The following POU6F2 variants were observed in gnomAD, a reference collection of about 807,000 sequenced individuals.
POU6F2 encodes POU domain, class 6, transcription factor 2.
POU6F2 carries 31 observed loss-of-function variants against 71.3 expected under a neutral mutation model. That is an observed-to-expected ratio of 0.43 (90% CI 0.33 to 0.59). The LOEUF (loss-of-function observed/expected upper bound fraction) is 0.59. POU6F2 is among the 20% of genes least tolerant of loss of function. The pLI, the probability that POU6F2 is intolerant of heterozygous loss-of-function variation, is 0.04. For synonymous variants in POU6F2, 347 were observed against 355.7 expected (o/e 0.98, Z 0.27); for missense variants, 783 against 856.8 (o/e 0.91, Z 1.07).
intron 4 of POU6F2, among the ~76,000 whole-genome samples, chr7:39,306,997 G>T (rs1450189396): frequency 6.6e-6 from 1 of 152,164 alleles, no homozygotes; most frequent in Non-Finnish European, 1.5e-5. Context: ...CATTAGAAGG[G>T]GTGCAGGGGA....
chr7:38,981,296 G>A (rs752530835), intron 1 of POU6F2, among the ~76,000 whole-genome samples: 1 of 152,026 alleles, frequency 6.6e-6, no homozygotes, highest in Admixed American at 6.6e-5. Context: ...ACCTGAGCTT[G>A]TGAGTGACAG....
intron 2 of POU6F2, among the ~76,000 whole-genome samples, chr7:39,116,414 AT>A (rs1348110089): frequency 6.6e-6 from 1 of 152,202 alleles, no homozygotes; most frequent in Non-Finnish European, 1.5e-5. Flanking sequence ...GCAAGTTATC[AT>A]TATCACTCAT....
chr7:39,206,240 G>T (rs1794009822), intron 3 of POU6F2, among the ~76,000 whole-genome samples: 1 of 152,116 alleles, frequency 6.6e-6, no homozygotes, highest in Non-Finnish European at 1.5e-5. Context: ...CTGAATCAAG[G>T]ACTCTAAGAT....
At chr7:39,418,390 G>T (rs544615069) in intron 6 of POU6F2, among the ~76,000 whole-genome samples, 1 of 152,172 alleles carries the variant, frequency 6.6e-6, no homozygotes, top group South Asian at 2.1e-4. Flanking sequence ...GGAACTGAAG[G>T]CTCAGAAAAG....
intron 1 of POU6F2, among the ~76,000 whole-genome samples, chr7:39,066,813 G>A (rs918287479): frequency 2.7e-5 from 4 of 149,110 alleles, no homozygotes; most frequent in African/African-American, 9.8e-5. Context: ...TGACAAAGAA[G>A]AATAGCATAT....
chr7:39,337,791 A>G (rs945000194), intron 4 of POU6F2, among the ~76,000 whole-genome samples: 2 of 152,118 alleles, frequency 1.3e-5, no homozygotes, highest in Non-Finnish European at 2.9e-5. Context: ...TGCAGATGTC[A>G]AATTAGTCTA....
intron 4 of POU6F2, among the ~76,000 whole-genome samples, chr7:39,321,464 C>T (rs1785389075): frequency 6.6e-6 from 1 of 152,090 alleles, no homozygotes; most frequent in African/African-American, 2.4e-5. Flanking sequence ...AGGTTACACC[C>T]AGAAGAATAT....
intron 4 of POU6F2, among the ~76,000 whole-genome samples, chr7:39,211,540 T>C (rs1794142990): frequency 6.6e-6 from 1 of 152,186 alleles, no homozygotes; most frequent in South Asian, 2.1e-4. Context: ...AGAAAACCTG[T>C]ATGTGTGGCC....
chr7:39,179,870 C>T (rs949283907), intron 2 of POU6F2, among the ~76,000 whole-genome samples: 9 of 152,178 alleles, frequency 5.9e-5, no homozygotes, highest in Non-Finnish European at 8.8e-5. Context: ...CACTTAAGCA[C>T]GTTGTATTTC....
At chr7:39,447,387 C>T (rs1047534985) in intron 7 of POU6F2, among the ~76,000 whole-genome samples, 5 of 152,092 alleles carry the variant, frequency 3.3e-5, no homozygotes, top group Admixed American at 1.3e-4. Context: ...TGCTCATCTC[C>T]GATGATCGTG....
chr7:39,454,411 T>A (rs1158108165), intron 8 of POU6F2, among the ~76,000 whole-genome samples: 1 of 151,720 alleles, frequency 6.6e-6, no homozygotes, highest in Non-Finnish European at 1.5e-5. Context: ...CTTCTAATCA[T>A]AGCTTTGTCT....
In POU6F2 at chr7:39,380,896, A is replaced by G. The variant is rs113584901; in HGVS notation, c.973-25704A>G. ...CTCGTGCTCACCCACTAGTTTCTCCAGTGGGCCCAGGTAGAAGCACTGTGT... is the reference window on the plus strand; with the variant it reads ...CTCGTGCTCACCCACTAGTTTCTCCGGTGGGCCCAGGTAGAAGCACTGTGT... On this transcript the variant is annotated intron_variant, in intron 5 of 9. Coordinates refer to ENST00000518318, the MANE Select transcript of POU6F2 (RefSeq NM_001370959.1). Among the ~76,000 whole-genome samples, 399 of 152,094 alleles carry G rather than the reference A, an allele frequency of 2.6e-3. 4 individuals carry two copies. The highest frequency in any genetic ancestry group is 9.2e-3 in the African/African-American group (383 of 41,512).
At chr7:39,127,730 G>C (rs1010014920) in intron 2 of POU6F2, among the ~76,000 whole-genome samples, 1 of 152,008 alleles carries the variant, frequency 6.6e-6, no homozygotes, top group Non-Finnish European at 1.5e-5. Flanking sequence ...AGTTTGTTTC[G>C]GGAAGCAGCT....
At chr7:39,443,112 C>T (rs1172560105) in intron 7 of POU6F2, among the ~76,000 whole-genome samples, 1 of 152,168 alleles carries the variant, frequency 6.6e-6, no homozygotes, top group Admixed American at 6.5e-5. Flanking sequence ...CTGTCAGCCC[C>T]GGAATGAAAT....
chr7:39,326,438 C>T (rs1394805446), intron 4 of POU6F2, among the ~76,000 whole-genome samples: 11 of 152,222 alleles, frequency 7.2e-5, no homozygotes, highest in African/African-American at 2.4e-4. Context: ...AATTTGGTCC[C>T]ATCTGCTGAG....
chr7:38,993,867 T>C (rs114801474), intron 1 of POU6F2, among the ~76,000 whole-genome samples: 170 of 152,092 alleles, frequency 1.1e-3, no homozygotes, highest in African/African-American at 3.8e-3. Flanking sequence ...GGGGCTTGAG[T>C]TTCTCCCTTT....
At chr7:39,368,394 G>A (rs973290188) in intron 5 of POU6F2, among the ~76,000 whole-genome samples, 1 of 152,190 alleles carries the variant, frequency 6.6e-6, no homozygotes, top group African/African-American at 2.4e-5. Flanking sequence ...GAGAGATGAG[G>A]AAGCTGCAGA....
intron 2 of POU6F2, among the ~76,000 whole-genome samples, chr7:39,184,273 T>C (rs1231099806): frequency 1.3e-5 from 2 of 152,106 alleles, no homozygotes; most frequent in African/African-American, 4.8e-5. Flanking sequence ...GCAGAAAAAA[T>C]TGAATCAGTG....
chr7:39,223,596 A>G (rs1794408956), intron 4 of POU6F2, among the ~76,000 whole-genome samples: 2 of 152,132 alleles, frequency 1.3e-5, no homozygotes, highest in Admixed American at 6.6e-5. Flanking sequence ...GGACCTAAAC[A>G]ATCATCCTGT....
Sources: gnomAD v4.1 joint callset for allele counts (sites outside exome capture counted in the v4.1 genomes callset) on GRCh38, gnomAD v4.1.1 for gene constraint, MANE v1.5 for transcripts, NCBI Gene and HGNC (gene_info 2026-07-23, HGNC 2026-07-21) for gene names.